Variants in BPNT2 observed in about 807,000 individuals in gnomAD.
BPNT2 encodes 3'(2'), 5'-bisphosphate nucleotidase 2.
BPNT2 carries 11 observed loss-of-function variants against 29.3 expected under a neutral mutation model. That is an observed-to-expected ratio of 0.38 (90% CI 0.24 to 0.62). BPNT2 has a LOEUF of 0.62. Ranked by LOEUF, BPNT2 falls within the 20% of genes least tolerant of loss-of-function variation. The pLI is 0.62. For synonymous variants in BPNT2, 195 were observed against 187.7 expected (o/e 1.04, Z -0.32); for missense variants, 459 against 473.4 (o/e 0.97, Z 0.28).
At chr8:56,978,282 A>C in intron 2 of BPNT2, 137 bp from the exon 3 acceptor site, 1 of 697,118 alleles carries the variant, frequency 1.4e-6, no homozygotes, top group East Asian at 2.7e-5. Flanking sequence ...CCCTTCAAGC[A>C]AACAGAGTCT....
At chr8:56,965,130 G>C (rs1276717968) in intron 4 of BPNT2, among the ~76,000 whole-genome samples, 1 of 152,060 alleles carries the variant, frequency 6.6e-6, no homozygotes. Flanking sequence ...GACCAGCCTG[G>C]GCAACGTGGC....
At chr8:56,969,133 A>G (rs1401405522) in intron 3 of BPNT2, among the ~76,000 whole-genome samples, 1 of 152,062 alleles carries the variant, frequency 6.6e-6, no homozygotes, top group Non-Finnish European at 1.5e-5. Context: ...GGCCCCACTG[A>G]CTCCTTGATA....
rs1805873713 is a variant in BPNT2, at chr8:56,963,310, A to T, written c.*483T>A. ...ATACAACATTTGTTGCATATTAATG[A>T]ATGTGTGGCTTCTTGTGCTTTCCAT... On this transcript the variant is annotated 3_prime_UTR_variant, in exon 5 of 5. Coordinates refer to ENST00000262644, the MANE Select transcript of BPNT2 (RefSeq NM_017813.5). The T allele has an allele frequency of 6.5e-6, 1 of 153,792 alleles. No homozygotes were observed. The highest frequency in any genetic ancestry group is 2.1e-4 in the South Asian group (1 of 4,876). The allele number at this position is 153,792 out of a possible 1,614,324, so 9.5% of individuals were successfully genotyped here.
chr8:56,972,350 T>C (rs1305424668), intron 3 of BPNT2, among the ~76,000 whole-genome samples: 2 of 151,772 alleles, frequency 1.3e-5, no homozygotes, highest in Non-Finnish European at 2.9e-5. Flanking sequence ...TTGAATTGCT[T>C]GATATACACC....
At chr8:56,980,631 CTT>C (rs1232671565) in intron 1 of BPNT2, among the ~76,000 whole-genome samples, 7 of 144,508 alleles carry the variant, frequency 4.8e-5, no homozygotes, top group Admixed American at 7.0e-5. Flanking sequence ...AATTTTCTAC[CTT>C]TTTTTTTTTA....
In BPNT2 at chr8:56,963,479, T is replaced by C. The variant is rs972440933; in HGVS notation, c.*314A>G. On this transcript the variant is annotated 3_prime_UTR_variant, in exon 5 of 5. Transcript: ENST00000262644. ...CTAACAGTGAAGATTCATGATGTTG[T>C]GTGAAAATGGTGACTCATAACAATG... is the stretch of plus-strand genomic sequence containing the variant. 3.5e-6 allele frequency: 1 copy of C among 283,140 alleles called. No individual in the cohort carries two copies. The highest frequency in any genetic ancestry group is 7.2e-5 in the East Asian group (1 of 13,848). 17.5% of individuals were successfully genotyped at this position (283,140 alleles called of 1,614,324 possible).
rs1000345229 is a variant in BPNT2 at position 56,959,910 on chromosome 8, A to C, written c.*3883T>G. 6.6e-6 allele frequency: 1 copy of C among 152,240 alleles called. No individual in the cohort carries two copies. The highest frequency in any genetic ancestry group is 1.5e-5 in the Non-Finnish European group (1 of 68,044). 9.4% of individuals were successfully genotyped at this position (152,240 alleles called of 1,614,324 possible). A position where few individuals can be genotyped will look rare whatever the true frequency, so the allele number is the denominator to read the frequency against. Reference sequence around the variant, plus strand: ...ATTAACATACAATGCCCTATTGTTAAGGCACAACTTTTTTTAGATTAAAAA... The same window carrying C: ...ATTAACATACAATGCCCTATTGTTACGGCACAACTTTTTTTAGATTAAAAA... On this transcript the variant is annotated 3_prime_UTR_variant, in exon 5 of 5. Transcript: ENST00000262644.
chr8:56,973,550 T>C (rs753498127), intron 3 of BPNT2, among the ~76,000 whole-genome samples: 1 of 151,760 alleles, frequency 6.6e-6, no homozygotes, highest in Non-Finnish European at 1.5e-5. Context: ...ATCATGAGAG[T>C]GCAGATATTA....
At chr8:56,992,738 C>G (rs11784432) in intron 1 of BPNT2, among the ~76,000 whole-genome samples, 2 of 147,584 alleles carry the variant, frequency 1.4e-5, no homozygotes, top group Non-Finnish European at 3.0e-5. Flanking sequence ...ACAAATGCCC[C>G]GCACACTAAC....
At chr8:56,973,409 A>C (rs1361972615) in intron 3 of BPNT2, among the ~76,000 whole-genome samples, 3 of 152,226 alleles carry the variant, frequency 2.0e-5, no homozygotes, top group Non-Finnish European at 2.9e-5. Flanking sequence ...GAAGGATTAC[A>C]CCACTAAAGA....
chr8:56,986,711 A>G (rs1321486739), intron 1 of BPNT2, among the ~76,000 whole-genome samples: 1 of 152,230 alleles, frequency 6.6e-6, no homozygotes, highest in Non-Finnish European at 1.5e-5. Context: ...ACAGTTGGGC[A>G]CAATCATCTA....
chr8:56,980,819 T>TATATACACACAC (rs755705861), intron 1 of BPNT2, among the ~76,000 whole-genome samples: 100 of 141,500 alleles, frequency 7.1e-4, no homozygotes, highest in African/African-American at 2.6e-3. Context: ...TACATACATA[T>TATATACACACAC]ACACACACAC....
At position 56,993,699 on chromosome 8, in the gene BPNT2, G is replaced by A; in HGVS notation, c.-114C>T. 2 of 1,024,610 alleles carry A rather than the reference G, an allele frequency of 2.0e-6. No individual in the cohort carries two copies. The highest frequency in any genetic ancestry group is 1.2e-6 in the Non-Finnish European group (1 of 856,032). The allele number at this position is 1,024,610 out of a possible 1,614,324, so 63.5% of individuals were successfully genotyped here. A position where few individuals can be genotyped will look rare whatever the true frequency, so the allele number is the denominator to read the frequency against. On this transcript the variant is annotated 5_prime_UTR_variant, in exon 1 of 5. Coordinates refer to ENST00000262644, the MANE Select transcript of BPNT2 (RefSeq NM_017813.5). ...CAGGCGCCGCGCGGGCTACACTGGC[G>A]CCCGCTCCCCGGCCCCGGTGCGCCC... is the stretch of plus-strand genomic sequence containing the variant.
At chr8:56,985,711 T>A (rs1458182399) in intron 1 of BPNT2, among the ~76,000 whole-genome samples, 1 of 152,176 alleles carries the variant, frequency 6.6e-6, no homozygotes, top group African/African-American at 2.4e-5. Flanking sequence ...CAAGTAGGGA[T>A]TTCTTTAGGT....
At position 56,961,996 on chromosome 8, in the gene BPNT2, G is replaced by T. The variant is rs541505236; in HGVS notation, c.*1797C>A. ...ATAAAAACAGATGCTTATACCACAG[G>T]ACTCTGGCAACAGCATATACCTTTG... On this transcript the variant is annotated 3_prime_UTR_variant, in exon 5 of 5. Coordinates refer to ENST00000262644, the MANE Select transcript of BPNT2 (RefSeq NM_017813.5). The T allele has an allele frequency of 6.6e-6, 1 of 152,062 alleles. No homozygotes were observed. Among genetic ancestry groups the T allele is most frequent in the Non-Finnish European group, 1.5e-5 (1 of 68,028 alleles). 9.4% of individuals were successfully genotyped at this position (152,062 alleles called of 1,614,324 possible).
intron 1 of BPNT2, among the ~76,000 whole-genome samples, chr8:56,981,782 T>A (rs531586163): frequency 1.1e-3 from 166 of 152,140 alleles, no homozygotes; most frequent in Non-Finnish European, 2.1e-3. Flanking sequence ...AAATTTTGAT[T>A]TTAGTTAGGG....
intron 3 of BPNT2, among the ~76,000 whole-genome samples, chr8:56,973,816 TAC>T (rs1355357601): frequency 1.3e-5 from 2 of 152,188 alleles, no homozygotes; most frequent in Non-Finnish European, 2.9e-5. Context: ...CATTTTACGA[TAC>T]AGTCACTGAA....
intron 1 of BPNT2, among the ~76,000 whole-genome samples, chr8:56,986,316 T>C (rs1806326199): frequency 6.6e-6 from 1 of 151,878 alleles, no homozygotes; most frequent in African/African-American, 2.4e-5. Flanking sequence ...GAAAAATAAT[T>C]TGGGGGATAA....
intron 3 of BPNT2, among the ~76,000 whole-genome samples, chr8:56,972,838 G>A (rs1191753927): frequency 6.7e-6 from 1 of 149,196 alleles, no homozygotes; most frequent in Non-Finnish European, 1.5e-5. Flanking sequence ...GCAGACAAGT[G>A]TCCTATTCTG....
Sources: allele counts gnomAD v4.1 joint callset (sites outside exome capture counted in the v4.1 genomes callset), GRCh38; gene constraint gnomAD v4.1.1; transcripts MANE v1.5; gene names NCBI Gene and HGNC (gene_info 2026-07-23, HGNC 2026-07-21).